The following SIL1 variants were observed in gnomAD, a reference collection of about 807,000 sequenced individuals.
SIL1 encodes the protein nucleotide exchange factor SIL1.
A neutral mutation model predicts 49.1 loss-of-function variants in SIL1; 40 were observed. The ratio of observed to expected loss-of-function variants is 0.81; its 90% CI spans 0.63 to 1.06. The LOEUF is 1.06. Ranked by LOEUF, SIL1 falls within the 50% of genes least tolerant of loss-of-function variation. The pLI, the probability that SIL1 is intolerant of heterozygous loss-of-function variation, is 0.00. For missense variants in SIL1, 500 were observed against 572.6 expected (o/e 0.87, Z 1.29); for synonymous variants, 253 against 250.8 (o/e 1.01, Z -0.08).
intron 7 of SIL1, among the ~76,000 whole-genome samples, chr5:138,985,704 CTG>C (rs1287604008): frequency 1.3e-5 from 2 of 152,214 alleles, no homozygotes; most frequent in African/African-American, 2.4e-5. Flanking sequence ...CGACCCAAGA[CTG>C]TATCCCATGT....
At chr5:139,011,420 C>T (rs1185442093) in intron 7 of SIL1, among the ~76,000 whole-genome samples, 1 of 152,250 alleles carries the variant, frequency 6.6e-6, no homozygotes, top group African/African-American at 2.4e-5. Context: ...AATCACCCAT[C>T]TTCTGCGTCG....
intron 7 of SIL1, among the ~76,000 whole-genome samples, chr5:139,014,454 G>C (rs1768356977): frequency 6.6e-6 from 1 of 151,950 alleles, no homozygotes; most frequent in Non-Finnish European, 1.5e-5. Context: ...TGTGTGCTGA[G>C]AGTTATGTAA....
chr5:138,997,138 CA>C (rs1420378249), intron 7 of SIL1, among the ~76,000 whole-genome samples: 2 of 152,094 alleles, frequency 1.3e-5, no homozygotes, highest in Non-Finnish European at 2.9e-5. Flanking sequence ...CTGTGTTGCC[CA>C]GGCTGGTCTC....
chr5:139,047,214 A>G (rs1581056941), intron 4 of SIL1, among the ~76,000 whole-genome samples: 3 of 152,228 alleles, frequency 2.0e-5, no homozygotes, highest in Admixed American at 1.3e-4. Context: ...CAGGGCAAAA[A>G]GAGAGATGTA....
chr5:139,159,591 T>C (rs996017063), intron 1 of SIL1, among the ~76,000 whole-genome samples: 15 of 152,226 alleles, frequency 9.9e-5, no homozygotes, highest in Non-Finnish European at 1.5e-5. Flanking sequence ...TTGTACCTCT[T>C]TCAAAGTTTC....
chr5:139,020,741 T>C (rs981143492), intron 7 of SIL1, among the ~76,000 whole-genome samples: 2 of 152,222 alleles, frequency 1.3e-5, no homozygotes, highest in Non-Finnish European at 2.9e-5. Flanking sequence ...TGACGGCATG[T>C]ACATTGGTTC....
At chr5:139,192,990 T>C (rs1581163065) in intron 1 of SIL1, among the ~76,000 whole-genome samples, 1 of 85,176 alleles carries the variant, frequency 1.2e-5, no homozygotes, top group South Asian at 3.6e-4. Flanking sequence ...AGAGCGAAAC[T>C]CAGTCTCAAA....
At chr5:139,069,434 AAAGT>A (rs1769779191) in intron 3 of SIL1, among the ~76,000 whole-genome samples, 3 of 152,316 alleles carry the variant, frequency 2.0e-5, no homozygotes, top group South Asian at 4.1e-4. Flanking sequence ...AGAAATGGAA[AAAGT>A]AAGGTTTGTA....
chr5:139,130,118 AT>A (rs1397085101), intron 1 of SIL1, among the ~76,000 whole-genome samples: 1 of 152,136 alleles, frequency 6.6e-6, no homozygotes, highest in Non-Finnish European at 1.5e-5. Flanking sequence ...AAAAAAACAA[AT>A]TAAAAATTTT....
At chr5:139,142,622 G>A (rs867302970) in intron 1 of SIL1, among the ~76,000 whole-genome samples, 13 of 152,002 alleles carry the variant, frequency 8.6e-5, no homozygotes, top group Admixed American at 5.2e-4. Context: ...CAATAAACCC[G>A]GAATAGAAAA....
At chr5:139,177,275 T>TGTCACCCA (rs1460825035) in intron 1 of SIL1, among the ~76,000 whole-genome samples, 1 of 151,548 alleles carries the variant, frequency 6.6e-6, no homozygotes, top group African/African-American at 2.4e-5. Context: ...AGACTGGCTC[T>TGTCACCCA]GTCACCCAGG....
intron 1 of SIL1, among the ~76,000 whole-genome samples, chr5:139,182,521 G>T (rs1752009195): frequency 6.6e-6 from 1 of 152,200 alleles, no homozygotes; most frequent in Non-Finnish European, 1.5e-5. Flanking sequence ...TGTTCCTATT[G>T]TAACCTGTGG....
chr5:138,969,077 G>C (rs1767214957), intron 7 of SIL1, among the ~76,000 whole-genome samples: 1 of 152,154 alleles, frequency 6.6e-6, no homozygotes, highest in Non-Finnish European at 1.5e-5. Context: ...TGCTCACAAA[G>C]AGAAGTTTAT....
intron 2 of SIL1, among the ~76,000 whole-genome samples, chr5:139,122,213 A>T (rs1750655655): frequency 6.6e-6 from 1 of 152,106 alleles, no homozygotes; most frequent in African/African-American, 2.4e-5. Context: ...CTTTACATAG[A>T]TCTCATTTTG....
chr5:139,050,960 G>A lies in SIL1; in HGVS notation c.331C>T (p.Arg111Ter), dbSNP rs119456965. 6.2e-6 allele frequency: 10 copies of A among 1,614,008 alleles called. No individual in the cohort carries two copies. The highest frequency in any genetic ancestry group is 1.6e-4 in the Middle Eastern group (1 of 6,062). The change falls in exon 4 of 10, where the codon CGA becomes TGA. Residue 111 changes from arginine (R) to a stop codon, truncating the protein, a stop_gained. Transcript: ENST00000394817. LOFTEE classifies it high-confidence loss of function. ...TACCTTTTGCCTTTCAAATTATTTC[G>A]GAACTTGTCCTCATATTGGAGTTTT... ...EAKLQYEDKF[R>*]NNLKGKRLDI...
chr5:139,157,848 G>GTAC (rs1158497420), intron 1 of SIL1, among the ~76,000 whole-genome samples: 1 of 152,154 alleles, frequency 6.6e-6, no homozygotes, highest in Non-Finnish European at 1.5e-5. Context: ...TACTAATGTA[G>GTAC]TACAATAATA....
chr5:139,083,289 AT>A, intron 3 of SIL1, among the ~76,000 whole-genome samples: 1 of 152,312 alleles, frequency 6.6e-6, no homozygotes, highest in South Asian at 2.1e-4. Flanking sequence ...CACAAACATT[AT>A]TTTTAAAAAA....
chr5:139,023,358 G>A (rs1369876830), intron 6 of SIL1, among the ~76,000 whole-genome samples: 2 of 152,144 alleles, frequency 1.3e-5, no homozygotes, highest in African/African-American at 2.4e-5. Context: ...GGAAGAGGAG[G>A]AGGGAGTGCA....
chr5:138,952,372 C>G (rs559335552), intron 7 of SIL1, among the ~76,000 whole-genome samples: 1 of 152,192 alleles, frequency 6.6e-6, no homozygotes. Context: ...TCTCCTGGGT[C>G]GGCACTCAGA....
Sources: allele counts gnomAD v4.1 joint callset (sites outside exome capture counted in the v4.1 genomes callset), GRCh38; gene constraint gnomAD v4.1.1; transcripts MANE v1.5; gene names NCBI Gene and HGNC (gene_info 2026-07-23, HGNC 2026-07-21).